The following CMTM7 variants were observed in gnomAD, a reference collection of about 807,000 sequenced individuals.
The protein encoded by CMTM7 is CKLF-like MARVEL transmembrane domain-containing protein 7.
A neutral mutation model predicts 19.3 loss-of-function variants in CMTM7; 7 were observed. The observed-to-expected ratio is 0.36, with a 90% CI of 0.21 to 0.68. The LOEUF (loss-of-function observed/expected upper bound fraction) is 0.68. Among genes scored for constraint, CMTM7 ranks in the 30% least tolerant of loss-of-function variants. The pLI, the probability that CMTM7 is intolerant of heterozygous loss-of-function variation, is 0.60. For synonymous variants in CMTM7, 87 were observed against 99.3 expected (o/e 0.88, Z 0.74); for missense variants, 193 against 232.6 (o/e 0.83, Z 1.11).
intron 1 of CMTM7, among the ~76,000 whole-genome samples, chr3:32,436,080 T>C (rs918742403): frequency 1.3e-4 from 20 of 152,228 alleles, no homozygotes; most frequent in African/African-American, 3.9e-4. Context: ...TGGTGCATCA[T>C]TGAGCTGCCC....
chr3:32,413,771 A>G (rs1019308250), intron 1 of CMTM7, among the ~76,000 whole-genome samples: 2 of 152,096 alleles, frequency 1.3e-5, no homozygotes, highest in East Asian at 3.9e-4. Context: ...TTCTTTTTAA[A>G]CTACTTTTTT....
At chr3:32,408,304 A>G (rs1299026151) in intron 1 of CMTM7, among the ~76,000 whole-genome samples, 9 of 152,250 alleles carry the variant, frequency 5.9e-5, no homozygotes, top group African/African-American at 2.2e-4. Flanking sequence ...AATGAATACA[A>G]CCAATTAAAT....
At chr3:32,395,824 A>G (rs1695906358) in intron 1 of CMTM7, among the ~76,000 whole-genome samples, 1 of 152,244 alleles carries the variant, frequency 6.6e-6, no homozygotes, top group Admixed American at 6.5e-5. Flanking sequence ...TTACACATTC[A>G]TATGTGTTCA....
At chr3:32,441,798 T>C in intron 1 of CMTM7, 42 bp from the exon 2 acceptor site, 11 of 1,591,440 alleles carry the variant, frequency 6.9e-6, no homozygotes, top group Non-Finnish European at 8.6e-6. Flanking sequence ...TGGGTGCCCG[T>C]CTTGGGCAAG....
At chr3:32,425,244 T>C (rs151047058) in intron 1 of CMTM7, among the ~76,000 whole-genome samples, 28 of 152,316 alleles carry the variant, frequency 1.8e-4, no homozygotes, top group African/African-American at 6.7e-4. Flanking sequence ...ATAATTATCA[T>C]TATTGGTATT....
intron 1 of CMTM7, among the ~76,000 whole-genome samples, chr3:32,431,856 G>A (rs183014466): frequency 6.6e-6 from 1 of 152,350 alleles, no homozygotes; most frequent in Non-Finnish European, 1.5e-5. Flanking sequence ...TTCAGGCCGG[G>A]CACAGTGGCT....
chr3:32,454,348 T>C lies in CMTM7; in HGVS notation c.*94T>C, dbSNP rs1365237081. The C allele has an allele frequency of 1.3e-6, 2 of 1,508,982 alleles. No individual in the cohort carries two copies. The highest frequency in any genetic ancestry group is 1.8e-6 in the Non-Finnish European group (2 of 1,088,864). 93.5% of individuals were successfully genotyped at this position (1,508,982 alleles called of 1,614,324 possible). ...CTGGACCTGTGTTCCTGTGCCAAAG[T>C]CCTGTCAGGCTGGTGGGCACCAGGA... On this transcript the variant is annotated 3_prime_UTR_variant, in exon 5 of 5. Coordinates refer to ENST00000334983, the MANE Select transcript of CMTM7 (RefSeq NM_138410.4).
At chr3:32,452,506 C>T in intron 4 of CMTM7, 33 bp downstream of exon 4, 1 of 1,604,026 alleles carries the variant, frequency 6.2e-7, no homozygotes, top group Non-Finnish European at 8.5e-7. Flanking sequence ...CAGAGGATCT[C>T]TCAGGAACAG....
At chr3:32,434,549 C>T (rs1696567409) in intron 1 of CMTM7, among the ~76,000 whole-genome samples, 2 of 151,462 alleles carry the variant, frequency 1.3e-5, no homozygotes, top group African/African-American at 2.4e-5. Flanking sequence ...AAGTAATCCT[C>T]CTGCCTGTCT....
intron 1 of CMTM7, among the ~76,000 whole-genome samples, chr3:32,407,879 G>T (rs1302692329): frequency 6.6e-6 from 1 of 152,174 alleles, no homozygotes; most frequent in Non-Finnish European, 1.5e-5. Flanking sequence ...AAGGATAAAA[G>T]ATTATTTTCT....
rs142228204 is a variant in CMTM7 at position 32,406,698 on chromosome 3, G to A, written c.159+14633G>A. Among the ~76,000 whole-genome samples the A allele has an allele frequency of 2.1e-3, 322 of 152,320 alleles. 1 individual carries two copies. Among genetic ancestry groups the A allele is most frequent in the African/African-American group, 7.7e-3 (320 of 41,572 alleles). On this transcript the variant is annotated intron_variant, in intron 1 of 4. Transcript: ENST00000334983. Reference sequence around the variant, plus strand: ...GTCAGCTTCCCTAAAAGCAGAACTAGTAGATATGGGGATTCTTGTGCAACT... The same window carrying A: ...GTCAGCTTCCCTAAAAGCAGAACTAATAGATATGGGGATTCTTGTGCAACT...
At chr3:32,394,202 C>T (rs1441832095) in intron 1 of CMTM7, among the ~76,000 whole-genome samples, 1 of 152,154 alleles carries the variant, frequency 6.6e-6, no homozygotes, top group African/African-American at 2.4e-5. Context: ...TCCCACTTCT[C>T]CTCTTTTCTA....
intron 1 of CMTM7, among the ~76,000 whole-genome samples, chr3:32,415,773 CATA>C (rs1431766836): frequency 6.6e-6 from 1 of 152,210 alleles, no homozygotes; most frequent in African/African-American, 2.4e-5. Context: ...ATTCCATATT[CATA>C]ATATTTTCTA....
At chr3:32,411,805 G>A (rs1308739921) in intron 1 of CMTM7, among the ~76,000 whole-genome samples, 5 of 152,200 alleles carry the variant, frequency 3.3e-5, no homozygotes, top group African/African-American at 9.7e-5. Flanking sequence ...TTGGCCAGGC[G>A]CAGTGGCTCA....
intron 1 of CMTM7, among the ~76,000 whole-genome samples, chr3:32,415,266 T>G (rs1423535397): frequency 6.6e-6 from 1 of 152,166 alleles, no homozygotes; most frequent in Non-Finnish European, 1.5e-5. Context: ...CATCCCCTTG[T>G]GGATACACTC....
intron 2 of CMTM7, among the ~76,000 whole-genome samples, chr3:32,445,652 A>G (rs1232180346): frequency 2.0e-5 from 3 of 151,912 alleles, no homozygotes; most frequent in African/African-American, 7.3e-5. Flanking sequence ...AGCTGGGACC[A>G]CAAGTGTGCA....
intron 1 of CMTM7, among the ~76,000 whole-genome samples, chr3:32,422,201 C>T (rs1342306600): frequency 1.3e-5 from 2 of 152,188 alleles, no homozygotes; most frequent in Non-Finnish European, 2.9e-5. Flanking sequence ...CCCTTAATGG[C>T]TTTTCTATTC....
At chr3:32,442,998 A>T (rs981318472) in intron 2 of CMTM7, among the ~76,000 whole-genome samples, 1 of 152,198 alleles carries the variant, frequency 6.6e-6, no homozygotes, top group African/African-American at 2.4e-5. Context: ...TGAACGTCTC[A>T]TGTAAATGGA....
chr3:32,399,362 A>AATT (rs1482968761), intron 1 of CMTM7, among the ~76,000 whole-genome samples: 1 of 151,756 alleles, frequency 6.6e-6, no homozygotes, highest in African/African-American at 2.4e-5. Context: ...TTGACAGTGC[A>AATT]ATTTTGACAG....
Sources: gnomAD v4.1 joint callset for allele counts (sites outside exome capture counted in the v4.1 genomes callset) on GRCh38, gnomAD v4.1.1 for gene constraint, MANE v1.5 for transcripts, NCBI Gene and HGNC (gene_info 2026-07-23, HGNC 2026-07-21) for gene names.